Variants in PLXNA4 observed in about 807,000 individuals in gnomAD.
PLXNA4 encodes plexin-A4.
Under a neutral mutation model 191.8 loss-of-function variants are expected in PLXNA4, and 44 were observed. That is an observed-to-expected ratio of 0.23 (90% confidence interval 0.18 to 0.29). The LOEUF is 0.29. PLXNA4 is among the 10% of genes least tolerant of loss of function. PLXNA4 has a pLI of 1.00. For missense variants in PLXNA4, 1,800 were observed against 2,488.8 expected, an observed-to-expected ratio of 0.72 and a Z score of 5.89; for synonymous variants, 1,082 against 1,009.5, an observed-to-expected ratio of 1.07 and a Z score of -1.36.
Position 132,168,436 on chromosome 7 carries a change from T to A in PLXNA4, c.4154A>T (p.Asn1385Ile). Reference sequence around the variant, plus strand: ...CACGGTCATGATGAGTGAGGCCACGTTGCCACGGTCGCGCATGGAGAAGCT... The same window carrying A: ...CACGGTCATGATGAGTGAGGCCACGATGCCACGGTCGCGCATGGAGAAGCT... Reference protein sequence around the residue: ...QRSFSMRDRGNVASLIMTVLQ... With the variant: ...QRSFSMRDRGIVASLIMTVLQ... Residue 1385 changes from asparagine (N) to isoleucine (I), a missense_variant, in exon 22 of 32, where the codon AAC (asparagine) becomes ATC (isoleucine). Coordinates refer to ENST00000321063, the MANE Select transcript of PLXNA4 (RefSeq NM_020911.2). 1.9e-6 allele frequency: 3 copies of A among 1,614,076 alleles called. No homozygotes were observed. Among genetic ancestry groups the A allele is most frequent in the South Asian group, 1.1e-5 (1 of 91,066 alleles).
chr7:132,536,219 G>T (rs10273834), intron 1 of PLXNA4, among the ~76,000 whole-genome samples: 4 of 152,340 alleles, frequency 2.6e-5, no homozygotes, highest in Non-Finnish European at 2.9e-5. Context: ...CTGCTGTATT[G>T]GTGTTTGCGG....
chr7:132,387,290 G>A (rs946685951), intron 3 of PLXNA4, among the ~76,000 whole-genome samples: 1 of 152,338 alleles, frequency 6.6e-6, no homozygotes, highest in Non-Finnish European at 1.5e-5. Flanking sequence ...CAGGCAATTT[G>A]TATGCATGTG....
At chr7:132,317,857 G>A (rs1214146789) in intron 3 of PLXNA4, among the ~76,000 whole-genome samples, 1 of 152,164 alleles carries the variant, frequency 6.6e-6, no homozygotes, top group Non-Finnish European at 1.5e-5. Flanking sequence ...CACCTGGCCA[G>A]GCAATTTCAG....
rs1794743846 is a variant in PLXNA4, at chr7:132,125,520, C to G, written c.*4959G>C. On this transcript the variant is annotated 3_prime_UTR_variant, in exon 32 of 32. Transcript: ENST00000321063. ...AGTAATTTGGACTTAACATCCATAG[C>G]AGGGCTCCCTTCTTACTTTCGAACT... The G allele has an allele frequency of 6.6e-6, 1 of 152,208 alleles. No homozygotes were observed. The highest frequency in any genetic ancestry group is 2.4e-5 in the African/African-American group (1 of 41,430). The allele number at this position is 152,208 out of a possible 1,614,324, so 9.4% of individuals were successfully genotyped here.
intron 4 of PLXNA4, among the ~76,000 whole-genome samples, chr7:132,294,234 A>T (rs368321063): frequency 6.6e-6 from 1 of 152,228 alleles, no homozygotes; most frequent in Admixed American, 6.5e-5. Flanking sequence ...ATAGAATTCC[A>T]GGCAAAGGGG....
chr7:132,223,501 C>T, intron 9 of PLXNA4, 26 bp downstream of exon 9: 1 of 1,580,382 alleles, frequency 6.3e-7, no homozygotes, highest in Non-Finnish European at 8.7e-7. Flanking sequence ...AAGAGACACT[C>T]ACCACTCTGG....
intron 3 of PLXNA4, among the ~76,000 whole-genome samples, chr7:132,353,795 G>A (rs892194105): frequency 1.3e-5 from 2 of 152,148 alleles, no homozygotes; most frequent in East Asian, 1.9e-4. Context: ...CTTGAGGTGG[G>A]GGGCAAGCAG....
chr7:132,187,351 G>A (rs1796913409), intron 15 of PLXNA4, 120 bp downstream of exon 15: 1 of 1,466,160 alleles, frequency 6.8e-7, no homozygotes, highest in Non-Finnish European at 9.1e-7. Flanking sequence ...CTGGCAAGAA[G>A]AACCTGTCAG....
chr7:132,597,252 T>A (rs890101712), intron 2 of PLXNA4, among the ~76,000 whole-genome samples: 5 of 152,204 alleles, frequency 3.3e-5, no homozygotes, highest in Non-Finnish European at 5.9e-5. Flanking sequence ...TTATTTCTGT[T>A]CATGCCGGTC....
chr7:132,537,208 G>A (rs1799878572), intron 1 of PLXNA4, among the ~76,000 whole-genome samples: 1 of 152,192 alleles, frequency 6.6e-6, no homozygotes, highest in African/African-American at 2.4e-5. Context: ...GCCTGGCAAT[G>A]GGTCAAGCTA....
chr7:132,216,343 A>G lies in PLXNA4; in HGVS notation c.2098-5200T>C, dbSNP rs550923051. ...GAAGCTCAGTTTTCCCACCTCTAAA[A>G]TGGGGATAATAATACCTGCAAAACT... is the stretch of plus-strand genomic sequence containing the variant. On this transcript the variant is annotated intron_variant, in intron 9 of 31. Transcript: ENST00000321063. 6.6e-5 allele frequency among the ~76,000 whole-genome samples: 10 copies of G among 152,332 alleles called. No homozygotes were observed. The South Asian group carries it at 2.1e-3, about 32-fold the overall frequency.
rs571350681 is a variant in PLXNA4 at position 132,480,675 on chromosome 7, C to A, written c.1371+8617G>T. On this transcript the variant is annotated intron_variant, in intron 3 of 31. Coordinates refer to ENST00000321063, the MANE Select transcript of PLXNA4 (RefSeq NM_020911.2). ...AAGACAAAGATGGGCCCAGTCTGTC[C>A]CAGGCAGCAGGCCAGGGGTAAGTGG... Among the ~76,000 whole-genome samples, 5 of 152,190 alleles carry A rather than the reference C, an allele frequency of 3.3e-5. No homozygotes were observed. The South Asian group carries it at 6.2e-4, about 19-fold the overall frequency.
intron 3 of PLXNA4, among the ~76,000 whole-genome samples, chr7:132,445,609 T>C (rs1183345268): frequency 2.6e-5 from 4 of 152,144 alleles, no homozygotes; most frequent in African/African-American, 9.7e-5. Context: ...GATAATGGCA[T>C]TTTTCACGCC....
At chr7:132,184,955 G>T (rs1400250492) in intron 16 of PLXNA4, among the ~76,000 whole-genome samples, 2 of 152,132 alleles carry the variant, frequency 1.3e-5, no homozygotes, top group Admixed American at 1.3e-4. Context: ...GTGGGACCAG[G>T]ATTAGCACCT....
chr7:132,414,432 A>G (rs1450025088), intron 3 of PLXNA4, among the ~76,000 whole-genome samples: 3 of 152,136 alleles, frequency 2.0e-5, no homozygotes, highest in Non-Finnish European at 4.4e-5. Context: ...AGGGGAAAAT[A>G]TTTATCAAAC....
At chr7:132,131,605 G>A (rs1043855063) in intron 31 of PLXNA4, among the ~76,000 whole-genome samples, 1 of 152,258 alleles carries the variant, frequency 6.6e-6, no homozygotes, top group Admixed American at 6.5e-5. Context: ...AAGCAGGATA[G>A]AGCTGGCCAA....
At chr7:132,216,756 T>C (rs1380009049) in intron 9 of PLXNA4, among the ~76,000 whole-genome samples, 1 of 152,214 alleles carries the variant, frequency 6.6e-6, no homozygotes, top group East Asian at 1.9e-4. Context: ...ACTCTGCCCA[T>C]GGCAATGATG....
At chr7:132,549,524 G>T (rs1031587305) in intron 1 of PLXNA4, among the ~76,000 whole-genome samples, 2 of 152,094 alleles carry the variant, frequency 1.3e-5, no homozygotes, top group African/African-American at 2.4e-5. Flanking sequence ...ACACATTTGG[G>T]CCCTCCCAAG....
intron 4 of PLXNA4, among the ~76,000 whole-genome samples, chr7:132,276,922 C>G (rs1252219526): frequency 2.6e-5 from 4 of 152,114 alleles, no homozygotes; most frequent in Non-Finnish European, 4.4e-5. Context: ...GAATTGGCAT[C>G]TGGGGGAGGT....
Sources: allele counts gnomAD v4.1 joint callset (sites outside exome capture counted in the v4.1 genomes callset), GRCh38; gene constraint gnomAD v4.1.1; transcripts MANE v1.5; gene names NCBI Gene and HGNC (gene_info 2026-07-23, HGNC 2026-07-21).